TPRG1: variants seen among roughly 807,000 people sequenced by gnomAD.
TPRG1 encodes the protein tumor protein p63 regulated 1, also known as tumor protein p63-regulated gene 1 protein.
TPRG1 carries 29 observed loss-of-function variants against 29.3 expected under a neutral mutation model. That is an observed-to-expected ratio of 0.99 (90% CI 0.74 to 1.35). The LOEUF is 1.35. Ranked by LOEUF, TPRG1 falls within the 40% of genes most tolerant of loss-of-function variation. TPRG1 has a pLI of 0.00. For synonymous variants in TPRG1, 130 were observed against 116.8 expected (o/e 1.11, Z -0.73); for missense variants, 327 against 335.0 (o/e 0.98, Z 0.19).
At chr3:189,295,523 A>G (rs556579858) in intron 4 of TPRG1, among the ~76,000 whole-genome samples, 1 of 129,356 alleles carries the variant, frequency 7.7e-6, no homozygotes, top group African/African-American at 3.0e-5. Context: ...AAAAAAAAAA[A>G]GGCCTTGGTC....
intron 4 of TPRG1, among the ~76,000 whole-genome samples, chr3:189,049,011 C>G (rs1348499957): frequency 6.6e-6 from 1 of 152,172 alleles, no homozygotes; most frequent in Admixed American, 6.5e-5. Context: ...CCAGGCAACC[C>G]ATTCCTGCAT....
intron 1 of TPRG1, among the ~76,000 whole-genome samples, chr3:189,195,657 C>T (rs1732416332): frequency 6.6e-6 from 1 of 152,218 alleles, no homozygotes; most frequent in Non-Finnish European, 1.5e-5. Context: ...AGTCAGCTCC[C>T]ACAGCTGGGC....
At chr3:189,102,032 C>T (rs1259820426) in intron 1 of TPRG1, among the ~76,000 whole-genome samples, 2 of 152,138 alleles carry the variant, frequency 1.3e-5, no homozygotes, top group African/African-American at 4.8e-5. Context: ...GAGGATATTA[C>T]TACCATGTCT....
chr3:189,146,622 G>A (rs1427180230), intron 3 of TPRG1, among the ~76,000 whole-genome samples: 2 of 152,124 alleles, frequency 1.3e-5, no homozygotes, highest in Non-Finnish European at 2.9e-5. Context: ...TGCTGTGGAT[G>A]CATCTCCTCA....
chr3:189,030,705 T>C lies in TPRG1; in HGVS notation c.-463+6759T>C, dbSNP rs116168103. The stretch of plus-strand genomic sequence containing the variant: ...CAGTCACCTACCCTGAGGAGTGGAG[T>C]GTACAACCTGTTCTGTACGTATGAG... On this transcript the variant is annotated intron_variant, in intron 4 of 10. Transcript: ENST00000433971. Among the ~76,000 whole-genome samples the C allele has an allele frequency of 7.9e-3, 1,205 of 152,080 alleles. 1 individual carries two copies. Among genetic ancestry groups the C allele is most frequent in the African/African-American group, 0.011 (477 of 41,524 alleles).
intron 4 of TPRG1, among the ~76,000 whole-genome samples, chr3:189,250,446 T>C (rs1362470628): frequency 2.0e-5 from 3 of 147,020 alleles, no homozygotes; most frequent in Non-Finnish European, 4.4e-5. Context: ...ATGACATAAC[T>C]TGAAAGCCCT....
intron 1 of TPRG1, among the ~76,000 whole-genome samples, chr3:189,115,270 A>G (rs1414982709): frequency 6.6e-6 from 1 of 152,222 alleles, no homozygotes; most frequent in African/African-American, 2.4e-5. Flanking sequence ...GAGGAGTGTT[A>G]TTTATTGCCT....
At chr3:188,997,747 A>G (rs1711880208) in intron 1 of TPRG1, among the ~76,000 whole-genome samples, 1 of 152,192 alleles carries the variant, frequency 6.6e-6, no homozygotes, top group African/African-American at 2.4e-5. Context: ...ATCTTCATGA[A>G]GGGACATCCG....
chr3:189,223,672 G>C (rs182168588), intron 3 of TPRG1, among the ~76,000 whole-genome samples: 2 of 152,266 alleles, frequency 1.3e-5, no homozygotes, highest in African/African-American at 4.8e-5. Flanking sequence ...GAAATGCCTA[G>C]CTACATCAGT....
intron 4 of TPRG1, among the ~76,000 whole-genome samples, chr3:189,292,260 G>A (rs763035140): frequency 2.0e-5 from 3 of 148,184 alleles, no homozygotes; most frequent in Non-Finnish European, 3.0e-5. Context: ...TTTCTGGGTG[G>A]TGGGACTCAA....
At chr3:189,294,258 A>G (rs1719498812) in intron 4 of TPRG1, among the ~76,000 whole-genome samples, 1 of 150,410 alleles carries the variant, frequency 6.6e-6, no homozygotes, top group African/African-American at 2.5e-5. Flanking sequence ...GTACTTAGAT[A>G]CCATGTCACC....
chr3:189,185,490 C>T (rs576783347), intron 1 of TPRG1, among the ~76,000 whole-genome samples: 100 of 152,138 alleles, frequency 6.6e-4, no homozygotes, highest in Non-Finnish European at 1.4e-3. Flanking sequence ...CCTCCCAAAG[C>T]ACTGGGATTA....
At chr3:189,291,618 A>G (rs1719015567) in intron 4 of TPRG1, among the ~76,000 whole-genome samples, 1 of 152,218 alleles carries the variant, frequency 6.6e-6, no homozygotes, top group South Asian at 2.1e-4. Context: ...GATTTAGGGG[A>G]CTAAAGAAGT....
At chr3:189,317,351 C>G (rs943252155) in intron 5 of TPRG1, among the ~76,000 whole-genome samples, 1 of 152,150 alleles carries the variant, frequency 6.6e-6, no homozygotes, top group East Asian at 1.9e-4. Context: ...TTCCTGGCAA[C>G]AAGCTTCCTT....
intron 4 of TPRG1, among the ~76,000 whole-genome samples, chr3:189,039,079 C>A (rs1351771616): frequency 6.6e-6 from 1 of 152,070 alleles, no homozygotes; most frequent in African/African-American, 2.4e-5. Flanking sequence ...ATATATATAC[C>A]CCTTGACCCA....
intron 4 of TPRG1, among the ~76,000 whole-genome samples, chr3:189,260,720 G>A (rs759289319): frequency 2.6e-5 from 4 of 152,194 alleles, no homozygotes; most frequent in African/African-American, 7.2e-5. Flanking sequence ...CCAGGTCCAG[G>A]AAACTGCTTT....
At position 189,050,778 on chromosome 3, in the gene TPRG1, G is replaced by A. The variant is rs529428144; in HGVS notation, c.-463+26832G>A. On this transcript the variant is annotated intron_variant, in intron 4 of 10. Coordinates refer to the TPRG1 transcript ENST00000433971. ...AACAGGGATGCAGGGATGGTTTAAC[G>A]TACACAAGTCAATAAATGTGAAACA... Among the ~76,000 whole-genome samples, 40 of 152,206 alleles carry A rather than the reference G, an allele frequency of 2.6e-4. No individual in the cohort carries two copies. In the South Asian group the frequency reaches 3.7e-3, roughly 14 times the overall value.
intron 3 of TPRG1, among the ~76,000 whole-genome samples, chr3:189,224,495 AAC>A (rs1299515463): frequency 0.014 from 2,085 of 151,278 alleles, 48 homozygotes; most frequent in African/African-American, 0.049. Context: ...CAACAACAAC[AAC>A]AAAAAAACAA....
chr3:189,098,593 T>C (rs575173241), upstream of TPRG1, among the ~76,000 whole-genome samples: 18 of 152,222 alleles, frequency 1.2e-4, no homozygotes, highest in Non-Finnish European at 1.5e-4. Context: ...GGTTTTTTTT[T>C]CCCAGGACAG....
Sources: gnomAD v4.1 joint callset for allele counts (sites outside exome capture counted in the v4.1 genomes callset) on GRCh38, gnomAD v4.1.1 for gene constraint, MANE v1.5 for transcripts, NCBI Gene and HGNC (gene_info 2026-07-23, HGNC 2026-07-21) for gene names.